Variants in LRP1B observed in about 807,000 individuals in gnomAD.
LRP1B encodes the protein LDL receptor related protein 1B, also known as low-density lipoprotein receptor-related protein 1B.
Under a neutral mutation model 556.6 loss-of-function variants are expected in LRP1B, and 217 were observed. The observed-to-expected ratio is 0.39, with a 90% CI of 0.35 to 0.44. The LOEUF (loss-of-function observed/expected upper bound fraction) is 0.44, where lower values mean the gene tolerates loss of function less well. Ranked by LOEUF, LRP1B falls within the 20% of genes least tolerant of loss-of-function variation. LRP1B has a pLI of 1.00. For synonymous variants in LRP1B, 2,047 were observed against 1,865.8 expected, an observed-to-expected ratio of 1.10 and a Z score of -2.50; for missense variants, 5,053 against 5,620.8, an observed-to-expected ratio of 0.90 and a Z score of 3.23.
chr2:141,054,143 C>T (rs1488091772), intron 10 of LRP1B, among the ~76,000 whole-genome samples: 1 of 151,994 alleles, frequency 6.6e-6, no homozygotes, highest in Non-Finnish European at 1.5e-5. Context: ...TCTAACCATT[C>T]AGACTTCAAA....
intron 7 of LRP1B, among the ~76,000 whole-genome samples, chr2:141,078,338 T>C (rs1221495069): frequency 6.6e-6 from 1 of 152,078 alleles, no homozygotes; most frequent in Non-Finnish European, 1.5e-5. Context: ...CCCTTCTTTC[T>C]CCCACAGAAT....
At chr2:141,753,628 G>A (rs1426083954) in intron 2 of LRP1B, among the ~76,000 whole-genome samples, 1 of 151,822 alleles carries the variant, frequency 6.6e-6, no homozygotes, top group Non-Finnish European at 1.5e-5. Context: ...TTCCCACACA[G>A]TAGCCTGATT....
At chr2:141,620,434 T>A (rs1574150483) in intron 2 of LRP1B, among the ~76,000 whole-genome samples, 1 of 152,194 alleles carries the variant, frequency 6.6e-6, no homozygotes, top group African/African-American at 2.4e-5. Context: ...CAAAAAATAA[T>A]CATTTTAATT....
At chr2:140,891,933 C>A (rs1027546783) in intron 23 of LRP1B, among the ~76,000 whole-genome samples, 1 of 152,072 alleles carries the variant, frequency 6.6e-6, no homozygotes, top group Non-Finnish European at 1.5e-5. Context: ...ATTTGCTTAA[C>A]TCACCAATTC....
chr2:141,716,968 CA>C (rs976997025), intron 2 of LRP1B, among the ~76,000 whole-genome samples: 3 of 5,170 alleles, frequency 5.8e-4, no homozygotes, highest in African/African-American at 6.5e-4. Context: ...GCATGATCCA[CA>C]GGGGGGGGTC....
intron 17 of LRP1B, among the ~76,000 whole-genome samples, chr2:140,987,142 T>G (rs1696951163): frequency 6.6e-6 from 1 of 152,182 alleles, no homozygotes; most frequent in Non-Finnish European, 1.5e-5. Context: ...GACTATGTAC[T>G]TCATTGCTTA....
chr2:140,513,936 A>C (rs919173322), intron 51 of LRP1B, among the ~76,000 whole-genome samples: 6 of 152,012 alleles, frequency 3.9e-5, no homozygotes, highest in African/African-American at 1.4e-4. Flanking sequence ...ACATCTATAA[A>C]AATAGTGAAA....
chr2:140,439,074 C>T (rs967379133), intron 66 of LRP1B, among the ~76,000 whole-genome samples: 3 of 152,168 alleles, frequency 2.0e-5, no homozygotes, highest in Non-Finnish European at 1.5e-5. Context: ...AGAAAAGTTA[C>T]AACTCTGATT....
At chr2:141,842,876 A>C (rs1697523499) in intron 1 of LRP1B, among the ~76,000 whole-genome samples, 1 of 152,176 alleles carries the variant, frequency 6.6e-6, no homozygotes, top group Non-Finnish European at 1.5e-5. Flanking sequence ...TATTGATCAC[A>C]TTTTGCTAGA....
chr2:140,275,708 A>G (rs1335674365), intron 84 of LRP1B, among the ~76,000 whole-genome samples: 3 of 151,982 alleles, frequency 2.0e-5, no homozygotes, highest in Non-Finnish European at 4.4e-5. Flanking sequence ...CTAGGCTATT[A>G]TCCTTTTCTA....
At chr2:140,888,190 G>A (rs58330114) in intron 23 of LRP1B, among the ~76,000 whole-genome samples, 1,570 of 152,092 alleles carry the variant, frequency 0.01, 32 homozygotes, top group African/African-American at 0.035. Context: ...ACCCTCCTCA[G>A]ATCTGAAAAA....
At chr2:140,974,716 C>A (rs188211942) in intron 18 of LRP1B, among the ~76,000 whole-genome samples, 49 of 152,252 alleles carry the variant, frequency 3.2e-4, no homozygotes, top group Admixed American at 1.0e-3. Context: ...CCACTTAGAT[C>A]CAATACTAAG....
chr2:140,557,033 G>A (rs1441828844), intron 43 of LRP1B, among the ~76,000 whole-genome samples: 2 of 152,002 alleles, frequency 1.3e-5, no homozygotes, highest in African/African-American at 2.4e-5. Flanking sequence ...ACTACTACGG[G>A]TTCTGACTAC....
chr2:142,081,469 T>C (rs1705713049), intron 1 of LRP1B, among the ~76,000 whole-genome samples: 1 of 151,956 alleles, frequency 6.6e-6, no homozygotes, highest in Non-Finnish European at 1.5e-5. Flanking sequence ...TATATACACA[T>C]TAAGCCATTC....
At chr2:140,634,563 A>G (rs1684005795) in intron 41 of LRP1B, among the ~76,000 whole-genome samples, 1 of 152,044 alleles carries the variant, frequency 6.6e-6, no homozygotes, top group Non-Finnish European at 1.5e-5. Context: ...GTAATTTTAC[A>G]ATGGAGAAAC....
chr2:141,546,579 T>C (rs1025398151), intron 2 of LRP1B, among the ~76,000 whole-genome samples: 2 of 152,192 alleles, frequency 1.3e-5, no homozygotes, highest in Non-Finnish European at 2.9e-5. Context: ...TCAGCCAACC[T>C]AAACACGTAT....
At chr2:140,341,756 G>A (rs1401425522) in intron 77 of LRP1B, among the ~76,000 whole-genome samples, 2 of 151,316 alleles carry the variant, frequency 1.3e-5, no homozygotes, top group African/African-American at 4.8e-5. Context: ...TGGGAGATGA[G>A]GCTGAAAATG....
intron 3 of LRP1B, among the ~76,000 whole-genome samples, chr2:141,263,456 C>T (rs1264905529): frequency 6.6e-6 from 1 of 151,950 alleles, no homozygotes; most frequent in Non-Finnish European, 1.5e-5. Context: ...AAAGCTCATT[C>T]AAGAAGAAAC....
rs939468216 is a variant in LRP1B at position 140,601,695 on chromosome 2, C to T, written c.6800-56G>A. ...ACTTTTATTTACAAAAAAATGACTT[C>T]TGGACAGAAAAAGCATTTAAGACAT... On this transcript the variant is annotated intron_variant, in intron 41 of 90. Transcript: ENST00000389484. 2.3e-6 allele frequency: 3 copies of T among 1,299,690 alleles called. No homozygotes were observed. The African/African-American group carries it at 4.5e-5, about 19-fold the overall frequency. 80.5% of individuals were successfully genotyped at this position (1,299,690 alleles called of 1,614,324 possible).
Sources: allele counts gnomAD v4.1 joint callset (sites outside exome capture counted in the v4.1 genomes callset), GRCh38; gene constraint gnomAD v4.1.1; transcripts MANE v1.5; gene names NCBI Gene and HGNC (gene_info 2026-07-23, HGNC 2026-07-21).